CPNE4: variants seen among roughly 807,000 people sequenced by gnomAD.
CPNE4 encodes the protein copine 4.
Under a neutral mutation model 67.9 loss-of-function variants are expected in CPNE4, and 25 were observed. The ratio of observed to expected loss-of-function variants is 0.37; its 90% CI spans 0.27 to 0.51. The LOEUF (loss-of-function observed/expected upper bound fraction) is 0.51, where lower values mean the gene tolerates loss of function less well. Ranked by LOEUF, CPNE4 falls within the 20% of genes least tolerant of loss-of-function variation. CPNE4 has a pLI of 0.93. For missense variants in CPNE4, 464 were observed against 690.8 expected, an observed-to-expected ratio of 0.67 and a Z score of 3.68; for synonymous variants, 242 against 244.9, an observed-to-expected ratio of 0.99 and a Z score of 0.11.
chr3:131,630,069 TGAAAAATGCCA>T (rs2079181099), intron 7 of CPNE4, among the ~76,000 whole-genome samples: 1 of 152,180 alleles, frequency 6.6e-6, no homozygotes, highest in Non-Finnish European at 1.5e-5. Context: ...TGTGATTTAA[TGAAAAATGCCA>T]GAAAAAAGCA....
intron 1 of CPNE4, among the ~76,000 whole-genome samples, chr3:131,997,652 G>T (rs942135472): frequency 6.6e-6 from 1 of 152,094 alleles, no homozygotes; most frequent in Non-Finnish European, 1.5e-5. Flanking sequence ...TTGTAGTCAA[G>T]AACCAGAGCT....
At chr3:131,919,990 T>C (rs982437227) in intron 1 of CPNE4, among the ~76,000 whole-genome samples, 13 of 152,288 alleles carry the variant, frequency 8.5e-5, no homozygotes, top group African/African-American at 2.6e-4. Context: ...CCTGGATCCA[T>C]TGTAATTTAT....
Position 131,723,355 on chromosome 3 carries a change from A to G in CPNE4, c.360+91T>C, listed in dbSNP as rs537568560. ...AAAGAAAATACAATCAATAGGAAAAAGCAAGGATTAGATGAAGGAAGAGAG... is the reference window on the plus strand; with the variant it reads ...AAAGAAAATACAATCAATAGGAAAAGGCAAGGATTAGATGAAGGAAGAGAG... On this transcript the variant is annotated intron_variant, in intron 3 of 15. Coordinates refer to ENST00000429747, the MANE Select transcript of CPNE4 (RefSeq NM_130808.3). 261 of 1,168,760 alleles carry G rather than the reference A, an allele frequency of 2.2e-4. 3 individuals are homozygous for G. In the South Asian group the frequency reaches 3.7e-3, roughly 16 times the overall value. The allele number at this position is 1,168,760 out of a possible 1,614,324, so 72.4% of individuals were successfully genotyped here.
At chr3:131,776,925 T>C (rs2083303989) in intron 2 of CPNE4, among the ~76,000 whole-genome samples, 1 of 152,130 alleles carries the variant, frequency 6.6e-6, no homozygotes, top group African/African-American at 2.4e-5. Context: ...TGAATTAAGG[T>C]ATGACAGGGC....
intron 7 of CPNE4, among the ~76,000 whole-genome samples, chr3:131,630,149 T>C (rs901881132): frequency 2.6e-5 from 4 of 152,242 alleles, no homozygotes; most frequent in Non-Finnish European, 5.9e-5. Flanking sequence ...CACGCTGTCC[T>C]GCAACACAGG....
intron 7 of CPNE4, among the ~76,000 whole-genome samples, chr3:131,666,559 G>A (rs989827063): frequency 6.6e-6 from 1 of 152,112 alleles, no homozygotes; most frequent in African/African-American, 2.4e-5. Flanking sequence ...ACTTGAAGAA[G>A]CTTTTATTGG....
intron 1 of CPNE4, among the ~76,000 whole-genome samples, chr3:132,019,881 A>G (rs1324175742): frequency 1.3e-5 from 2 of 152,182 alleles, no homozygotes; most frequent in Admixed American, 6.5e-5. Flanking sequence ...TCCTGTGTCT[A>G]TCTGTCTGTC....
At chr3:131,879,335 T>C (rs1236086622) in intron 2 of CPNE4, among the ~76,000 whole-genome samples, 1 of 152,190 alleles carries the variant, frequency 6.6e-6, no homozygotes, top group Admixed American at 6.5e-5. Context: ...TTAATGACTT[T>C]TTCCCTAAGC....
chr3:131,774,577 CAGAG>C (rs1349840518), intron 2 of CPNE4, among the ~76,000 whole-genome samples: 1 of 152,092 alleles, frequency 6.6e-6, no homozygotes, highest in Admixed American at 6.6e-5. Flanking sequence ...GGCAGAATAA[CAGAG>C]AGGAAATTTA....
chr3:131,893,477 C>T (rs896544983), intron 2 of CPNE4, among the ~76,000 whole-genome samples: 1 of 151,916 alleles, frequency 6.6e-6, no homozygotes, highest in Admixed American at 6.6e-5. Flanking sequence ...CCAAATGGAC[C>T]TAACAGACAT....
rs1935026655 is a variant in CPNE4 at position 131,534,397 on chromosome 3, A to G, written c.*798T>C. 6.6e-6 allele frequency: 1 copy of G among 152,108 alleles called. No homozygotes were observed. Among genetic ancestry groups the G allele is most frequent in the African/African-American group, 2.4e-5 (1 of 41,410 alleles). The allele number at this position is 152,108 out of a possible 1,614,324, so 9.4% of individuals were successfully genotyped here. ...CAGACTAGAAGCCACGCTGTTTTTG[A>G]TGGTCTCCATCATGACACCCTAAAG... On this transcript the variant is annotated 3_prime_UTR_variant, in exon 16 of 16. Coordinates refer to ENST00000429747, the MANE Select transcript of CPNE4 (RefSeq NM_130808.3).
chr3:131,781,252 G>A (rs72985863), intron 2 of CPNE4, among the ~76,000 whole-genome samples: 8,109 of 152,098 alleles, frequency 0.053, 347 homozygotes, highest in African/African-American at 0.12. Flanking sequence ...TTACACTAAC[G>A]GTCTAGCTAT....
intron 1 of CPNE4, among the ~76,000 whole-genome samples, chr3:132,012,451 G>C (rs1280118547): frequency 6.6e-6 from 1 of 152,102 alleles, no homozygotes; most frequent in Non-Finnish European, 1.5e-5. Context: ...TTACAGGTGT[G>C]AGCCACTGCA....
chr3:131,951,763 C>T (rs2071731933), intron 1 of CPNE4, among the ~76,000 whole-genome samples: 2 of 152,224 alleles, frequency 1.3e-5, no homozygotes, highest in African/African-American at 2.4e-5. Context: ...TGGGGTTTCG[C>T]TGTGTTGGCC....
intron 7 of CPNE4, among the ~76,000 whole-genome samples, chr3:131,658,661 G>A (rs2080042442): frequency 1.3e-5 from 2 of 152,296 alleles, no homozygotes; most frequent in Middle Eastern, 3.4e-3. Context: ...ATATCTTTGA[G>A]GAGATGCTGA....
intron 2 of CPNE4, among the ~76,000 whole-genome samples, chr3:131,790,515 A>C (rs914143042): frequency 6.6e-6 from 1 of 152,136 alleles, no homozygotes; most frequent in Non-Finnish European, 1.5e-5. Context: ...AAATTTCTCT[A>C]TACAGGCCAA....
intron 8 of CPNE4, 36 bp downstream of exon 8, chr3:131,587,448 G>A (rs768343117): frequency 7.2e-6 from 10 of 1,398,220 alleles, no homozygotes; most frequent in East Asian, 2.3e-5. Flanking sequence ...GCATCATACC[G>A]ACTGGAGGCA....
intron 7 of CPNE4, among the ~76,000 whole-genome samples, chr3:131,638,258 AAG>A (rs1450873296): frequency 1.3e-5 from 2 of 152,174 alleles, no homozygotes; most frequent in African/African-American, 4.8e-5. Context: ...CGGAATGGAT[AAG>A]AATTCACCAA....
intron 2 of CPNE4, among the ~76,000 whole-genome samples, chr3:131,826,095 AT>A (rs1324392253): frequency 3.3e-5 from 5 of 152,218 alleles, no homozygotes; most frequent in African/African-American, 1.2e-4. Context: ...CAATAGGACC[AT>A]TTGTTGAGCT....
Sources: allele counts gnomAD v4.1 joint callset (sites outside exome capture counted in the v4.1 genomes callset), GRCh38; gene constraint gnomAD v4.1.1; transcripts MANE v1.5; gene names NCBI Gene and HGNC (gene_info 2026-07-23, HGNC 2026-07-21).